HEXA: variants seen among roughly 807,000 people sequenced by gnomAD.
HEXA encodes the protein beta-hexosaminidase subunit alpha.
Under a neutral mutation model 73.3 loss-of-function variants are expected in HEXA, and 54 were observed. The ratio of observed to expected loss-of-function variants is 0.74; its 90% CI spans 0.59 to 0.92. The LOEUF (loss-of-function observed/expected upper bound fraction) is 0.92, where lower values mean the gene tolerates loss of function less well. Ranked by LOEUF, HEXA falls within the 40% of genes least tolerant of loss-of-function variation. The probability of loss-of-function intolerance (pLI) is 0.00; values close to 1 mark genes in which losing one functional copy is unlikely to be tolerated. For missense variants in HEXA, 649 were observed against 653.0 expected, an observed-to-expected ratio of 0.99 and a Z score of 0.07; for synonymous variants, 230 against 246.9, an observed-to-expected ratio of 0.93 and a Z score of 0.64.
intron 9 of HEXA, 29 bp downstream of exon 9, chr15:72,348,019 G>A (rs2088641094): frequency 1.3e-6 from 2 of 1,517,006 alleles, no homozygotes; most frequent in African/African-American, 2.7e-5. Flanking sequence ...ACCCCCAAGG[G>A]ACCCCACCCA....
intron 1 of HEXA, among the ~76,000 whole-genome samples, chr15:72,371,591 G>GAAAAAAAAAAAAAAAAAAAAAAAAAAA (rs11299619): frequency 8.2e-6 from 1 of 121,986 alleles, no homozygotes. Context: ...GTCTCTAAAA[G>GAAAAAAAAAAAAAAAAAAAAAAAAAAA]AAAAAAAAAA....
chr15:72,375,472 C>T (rs1225876211), intron 1 of HEXA, among the ~76,000 whole-genome samples: 2 of 152,240 alleles, frequency 1.3e-5, no homozygotes, highest in African/African-American at 2.4e-5. Flanking sequence ...CTAGCTTGAA[C>T]ACGGTCAGAA....
In HEXA at chr15:72,344,010, G is replaced by A. The variant is rs2088579400; in HGVS notation, c.*67C>T. On this transcript the variant is annotated 3_prime_UTR_variant, in exon 14 of 14. Transcript: ENST00000268097. ...GGCAAGGGGCTCCGTCCCCTGGCCAGGATGCAGTGGAAGCCTGGCTCCACT... is the reference window on the plus strand; with the variant it reads ...GGCAAGGGGCTCCGTCCCCTGGCCAAGATGCAGTGGAAGCCTGGCTCCACT... The A allele has an allele frequency of 2.2e-6, 3 of 1,361,620 alleles. No homozygotes were observed. Among genetic ancestry groups the A allele is most frequent in the Non-Finnish European group, 3.2e-6 (3 of 951,546 alleles). The allele number at this position is 1,361,620 out of a possible 1,614,324, so 84.3% of individuals were successfully genotyped here.
intron 10 of HEXA, 25 bp downstream of exon 10, chr15:72,347,658 GCTT>G: frequency 6.3e-7 from 1 of 1,591,896 alleles, no homozygotes; most frequent in Middle Eastern, 1.7e-4. Flanking sequence ...ACTGCTGGTG[GCTT>G]CTTCTCTTCT....
At chr15:72,364,765 A>T (rs545231154) in intron 1 of HEXA, among the ~76,000 whole-genome samples, 8 of 152,256 alleles carry the variant, frequency 5.3e-5, no homozygotes, top group African/African-American at 1.4e-4. Context: ...GATTTAAAAA[A>T]ACACATACAT....
At position 72,346,712 on chromosome 15, in the gene HEXA, T is replaced by C; in HGVS notation, c.1147-2A>G. The C allele has an allele frequency of 1.2e-6, 2 of 1,614,028 alleles. No homozygotes were observed. The highest frequency in any genetic ancestry group is 1.7e-6 in the Non-Finnish European group (2 of 1,179,976). On this transcript the variant is annotated splice_acceptor_variant, in intron 10 of 13. Transcript: ENST00000268097. LOFTEE classifies it high-confidence loss of function. ...CTGTATGATTGTGTCTGGCTGAATC[T>C]GTTATAAAAGGTCAAATGGCAGTAA...
chr15:72,373,140 AAAAC>A (rs1008194242), intron 1 of HEXA, among the ~76,000 whole-genome samples: 7 of 152,224 alleles, frequency 4.6e-5, no homozygotes, highest in East Asian at 1.9e-4. Flanking sequence ...CAAAAAAACA[AAAAC>A]AAACAAACAA....
rs763649208 is a variant in HEXA, at chr15:72,351,184, A to G, written c.621T>C (p.Asp207=). The G allele has an allele frequency of 3.1e-6, 5 of 1,613,314 alleles. No homozygotes were observed. Among genetic ancestry groups the G allele is most frequent in the Non-Finnish European group, 1.7e-6 (2 of 1,179,338 alleles). Residue 207 remains aspartate (D), a synonymous_variant, in exon 6 of 14, where the codon GAT becomes GAC. Coordinates refer to ENST00000268097, the MANE Select transcript of HEXA (RefSeq NM_000520.6). ...AGCTCTCATATGGGAAGGAAGGATC[A>G]TCTACCAGATGCCAGTGGAACACGT... ...KLNVFHWHLV[D]DPSFPYESFT... is the part of the protein sequence containing the mutation.
At chr15:72,372,514 T>A (rs2089007270) in intron 1 of HEXA, among the ~76,000 whole-genome samples, 1 of 152,194 alleles carries the variant, frequency 6.6e-6, no homozygotes, top group Non-Finnish European at 1.5e-5. Flanking sequence ...AATAATCACA[T>A]CTTTGCTTTG....
In HEXA at chr15:72,341,264, C is replaced by A. The variant is rs2088552315; in HGVS notation, c.*2813G>T. On this transcript the variant is annotated 3_prime_UTR_variant, in exon 14 of 14. Coordinates refer to ENST00000268097, the MANE Select transcript of HEXA (RefSeq NM_000520.6). ...GTCTAGGGGCAATGACTCTCCATCA[C>A]TAGTGCTGTGGTGGCACCTGTGCTC... 1 of 152,316 alleles carries A rather than the reference C, an allele frequency of 6.6e-6. No homozygotes were observed. The highest frequency in any genetic ancestry group is 1.9e-4 in the East Asian group (1 of 5,170). The allele number at this position is 152,316 out of a possible 1,614,324, so 9.4% of individuals were successfully genotyped here.
At position 72,341,991 on chromosome 15, in the gene HEXA, A is replaced by T. The variant is rs1026967008; in HGVS notation, c.*2086T>A. On this transcript the variant is annotated 3_prime_UTR_variant, in exon 14 of 14. Coordinates refer to ENST00000268097, the MANE Select transcript of HEXA (RefSeq NM_000520.6). ...CTGCCTTCATCCACTTGAGACTTAA[A>T]ACTCAGTGTCTGCTATTTTTACTTA... 2.0e-5 allele frequency: 3 copies of T among 152,148 alleles called. No homozygotes were observed. Among genetic ancestry groups the T allele is most frequent in the African/African-American group, 7.2e-5 (3 of 41,434 alleles). The allele number at this position is 152,148 out of a possible 1,614,324, so 9.4% of individuals were successfully genotyped here.
At chr15:72,348,275 G>C in intron 8 of HEXA, 141 bp from the exon 9 acceptor site, 1 of 704,312 alleles carries the variant, frequency 1.4e-6, no homozygotes, top group Admixed American at 2.1e-5. Context: ...CCCTACATGT[G>C]GAAAGTGTGG....
chr15:72,345,313 T>G, intron 13 of HEXA, 133 bp downstream of exon 13: 1 of 1,511,462 alleles, frequency 6.6e-7, no homozygotes, highest in Non-Finnish European at 8.9e-7. Flanking sequence ...GTTGGTTGAA[T>G]CCGTGGATGA....
At chr15:72,356,110 T>C (rs1030869919) in intron 2 of HEXA, 5 of 383,890 alleles carry the variant, frequency 1.3e-5, no homozygotes, top group Non-Finnish European at 2.5e-5. Flanking sequence ...CTTTGGAGAC[T>C]GAGAAGTCCC....
At chr15:72,346,760 C>T in intron 10 of HEXA, 50 bp from the exon 11 acceptor site, 5 of 1,575,044 alleles carry the variant, frequency 3.2e-6, no homozygotes, top group Non-Finnish European at 4.4e-6. Context: ...GAGGAGATTC[C>T]TGGGCCTTAT....
intron 1 of HEXA, 31 bp downstream of exon 1, chr15:72,375,689 C>T: frequency 4.3e-6 from 7 of 1,613,338 alleles, no homozygotes; most frequent in Non-Finnish European, 5.9e-6. Context: ...CTCTCAGGGC[C>T]CAGGAACAGG....
At position 72,348,804 on chromosome 15, in the gene HEXA, C is replaced by T. The variant is rs16956771; in HGVS notation, c.986+275G>A. Among the ~76,000 whole-genome samples the T allele has an allele frequency of 0.13, 19,148 of 152,152 alleles. 1,788 individuals carry two copies. Among genetic ancestry groups the T allele is most frequent in the African/African-American group, 0.25 (10,499 of 41,500 alleles). On this transcript the variant is annotated intron_variant, in intron 8 of 13. Coordinates refer to ENST00000268097, the MANE Select transcript of HEXA (RefSeq NM_000520.6). ...AAACAGGGATTATTTTTCTCTATCCCGAACTTTTCCAAGACAATTCTGTGC... is the reference window on the plus strand; with the variant it reads ...AAACAGGGATTATTTTTCTCTATCCTGAACTTTTCCAAGACAATTCTGTGC...
intron 1 of HEXA, 45 bp downstream of exon 1, chr15:72,375,675 G>A: frequency 6.2e-7 from 1 of 1,611,546 alleles, no homozygotes. Context: ...TCCCCAGGCA[G>A]GCACTCTCAG....
At chr15:72,348,681 G>A (rs2088654050) in intron 8 of HEXA, among the ~76,000 whole-genome samples, 2 of 152,098 alleles carry the variant, frequency 1.3e-5, no homozygotes, top group Admixed American at 1.3e-4. Context: ...TAGAACCAAG[G>A]GTTTGGACTT....
Sources: gnomAD v4.1 joint callset for allele counts (sites outside exome capture counted in the v4.1 genomes callset) on GRCh38, gnomAD v4.1.1 for gene constraint, MANE v1.5 for transcripts, NCBI Gene and HGNC (gene_info 2026-07-23, HGNC 2026-07-21) for gene names.